Variants in SMARCC1 observed in about 807,000 individuals in gnomAD.
SMARCC1 encodes the protein SWI/SNF complex subunit SMARCC1.
In SMARCC1, 43 loss-of-function variants were observed where a neutral mutation model predicts 147.4. That is an observed-to-expected ratio of 0.29 (90% CI 0.23 to 0.38). The LOEUF is 0.38. Ranked by LOEUF, SMARCC1 falls within the 10% of genes least tolerant of loss-of-function variation. The pLI is 1.00. For missense variants in SMARCC1, 1,119 were observed against 1,381.1 expected (o/e 0.81, Z 3.01); for synonymous variants, 495 against 484.4 (o/e 1.02, Z -0.29).
In SMARCC1 at chr3:47,720,147, G is replaced by A. The variant is rs193221083; in HGVS notation, c.716+519C>T. ...TTTTGTTTTTGGTTTTTTTTGAGAC[G>A]GAGTCTCACTCCGTTGCCCAGGCTG... On this transcript the variant is annotated intron_variant, in intron 7 of 27. Transcript: ENST00000254480. Among the ~76,000 whole-genome samples, 11 of 151,638 alleles carry A rather than the reference G, an allele frequency of 7.3e-5. No individual in the cohort carries two copies. The South Asian group carries it at 8.3e-4, about 11-fold the overall frequency.
intron 15 of SMARCC1, among the ~76,000 whole-genome samples, chr3:47,678,754 G>A (rs1386367444): frequency 6.6e-6 from 1 of 152,212 alleles, no homozygotes; most frequent in Non-Finnish European, 1.5e-5. Flanking sequence ...CCATTTATGG[G>A]TGAGGAAACA....
chr3:47,740,866 A>AAAAAAAAAAAC (rs1559659751), intron 3 of SMARCC1, among the ~76,000 whole-genome samples: 2 of 150,060 alleles, frequency 1.3e-5, no homozygotes, highest in Non-Finnish European at 1.5e-5. Flanking sequence ...AAAAAAAAAA[A>AAAAAAAAAAAC]AAACAAAAAC....
intron 26 of SMARCC1, among the ~76,000 whole-genome samples, chr3:47,595,792 T>C (rs1307303768): frequency 6.7e-6 from 1 of 150,296 alleles, no homozygotes; most frequent in African/African-American, 2.4e-5. Flanking sequence ...TGGAGTGCAG[T>C]GGGGCGATCT....
chr3:47,666,828 C>T (rs1157325895), intron 19 of SMARCC1, among the ~76,000 whole-genome samples: 3 of 152,076 alleles, frequency 2.0e-5, no homozygotes, highest in African/African-American at 7.2e-5. Flanking sequence ...CATCTCTGTC[C>T]TTAAGAAAAG....
chr3:47,680,541 GTTC>G lies in SMARCC1; in HGVS notation c.1386-36_1386-34del, dbSNP rs1205730329. On this transcript the variant is annotated intron_variant, in intron 14 of 27. Transcript: ENST00000254480. ...GAAGAAGAAAAAAAGATTTAGGAGTGTTCTTTTTTTTTTTTTTTTTTTTTGAGA... is the reference window on the plus strand; with the variant it reads ...GAAGAAGAAAAAAAGATTTAGGAGTGTTTTTTTTTTTTTTTTTTTTTGAGA... 3.8e-5 allele frequency: 16 copies of G among 425,164 alleles called. No individual in the cohort carries two copies. In the East Asian group the frequency reaches 6.4e-4, roughly 17 times the overall value. 26.3% of individuals were successfully genotyped at this position (425,164 alleles called of 1,614,324 possible).
At chr3:47,638,601 CA>C (rs2033005424) in intron 22 of SMARCC1, 123 bp downstream of exon 22, 1 of 715,090 alleles carries the variant, frequency 1.4e-6, no homozygotes. Flanking sequence ...CTTAAACCAG[CA>C]AAGTCCAAGT....
intron 25 of SMARCC1, among the ~76,000 whole-genome samples, chr3:47,615,152 C>T (rs1296157488): frequency 6.6e-6 from 1 of 152,204 alleles, no homozygotes; most frequent in African/African-American, 2.4e-5. Flanking sequence ...AACATACACA[C>T]AAAGCTTGTA....
chr3:47,707,834 G>A (rs889725467), intron 9 of SMARCC1, among the ~76,000 whole-genome samples: 1 of 152,028 alleles, frequency 6.6e-6, no homozygotes, highest in Non-Finnish European at 1.5e-5. Context: ...TGCTATGATC[G>A]CAACACTGCA....
intron 1 of SMARCC1, among the ~76,000 whole-genome samples, chr3:47,774,019 AT>A (rs913066057): frequency 4.7e-4 from 70 of 150,482 alleles, no homozygotes; most frequent in Middle Eastern, 3.4e-3. Flanking sequence ...TTATTTTTTT[AT>A]TTTTTTTTGC....
At chr3:47,759,037 C>T (rs1222253713) in intron 2 of SMARCC1, among the ~76,000 whole-genome samples, 2 of 149,854 alleles carry the variant, frequency 1.3e-5, no homozygotes, top group African/African-American at 4.9e-5. Flanking sequence ...AGAGGAGAAA[C>T]AGGGTGTCAC....
At chr3:47,734,110 C>G (rs566946585) in intron 5 of SMARCC1, among the ~76,000 whole-genome samples, 5 of 151,792 alleles carry the variant, frequency 3.3e-5, no homozygotes. Context: ...CCAGTATGAC[C>G]CGGTGACAAA....
At chr3:47,665,519 A>G (rs1270658638) in intron 19 of SMARCC1, among the ~76,000 whole-genome samples, 1 of 152,176 alleles carries the variant, frequency 6.6e-6, no homozygotes, top group Non-Finnish European at 1.5e-5. Context: ...GAACAATAAG[A>G]AAGTTCATCA....
intron 25 of SMARCC1, among the ~76,000 whole-genome samples, chr3:47,618,816 T>G (rs961991327): frequency 6.6e-5 from 10 of 152,234 alleles, no homozygotes; most frequent in African/African-American, 2.4e-4. Flanking sequence ...AATTTAGTGC[T>G]GAGGAAAGAG....
chr3:47,642,007 T>C (rs1326159607), intron 21 of SMARCC1, among the ~76,000 whole-genome samples: 1 of 152,166 alleles, frequency 6.6e-6, no homozygotes, highest in Non-Finnish European at 1.5e-5. Flanking sequence ...CTCCTAGCCC[T>C]AAGCGATCCA....
intron 2 of SMARCC1, among the ~76,000 whole-genome samples, chr3:47,753,401 A>T (rs2034650562): frequency 6.6e-6 from 1 of 151,396 alleles, no homozygotes. Context: ...TTATTTCTTT[A>T]TTCCTTTATT....
chr3:47,629,315 G>A (rs1222419038), intron 24 of SMARCC1, among the ~76,000 whole-genome samples: 4 of 152,118 alleles, frequency 2.6e-5, no homozygotes, highest in Admixed American at 1.3e-4. Context: ...CATAAGATCC[G>A]AGACCTCCAA....
intron 24 of SMARCC1, among the ~76,000 whole-genome samples, chr3:47,631,240 T>C (rs1449696670): frequency 2.0e-5 from 3 of 152,338 alleles, no homozygotes; most frequent in Non-Finnish European, 2.9e-5. Flanking sequence ...AGTCTTCCCG[T>C]TGTCCCAGAG....
intron 26 of SMARCC1, among the ~76,000 whole-genome samples, chr3:47,609,150 G>C (rs2032525681): frequency 6.6e-6 from 1 of 152,160 alleles, no homozygotes; most frequent in African/African-American, 2.4e-5. Context: ...TTTAACAAAT[G>C]ATATTAGGAA....
chr3:47,773,998 C>T (rs1357991819), intron 1 of SMARCC1, among the ~76,000 whole-genome samples: 1 of 152,028 alleles, frequency 6.6e-6, no homozygotes, highest in Non-Finnish European at 1.5e-5. Flanking sequence ...TTCAGTTGGA[C>T]GAGAGAATTT....
Sources: allele counts gnomAD v4.1 joint callset (sites outside exome capture counted in the v4.1 genomes callset), GRCh38; gene constraint gnomAD v4.1.1; transcripts MANE v1.5; gene names NCBI Gene and HGNC (gene_info 2026-07-23, HGNC 2026-07-21).